CWF19L1: variants seen among roughly 807,000 people sequenced by gnomAD.
CWF19L1 encodes the protein CWF19 like cell cycle control factor 1.
In CWF19L1, 60 loss-of-function variants were observed where a neutral mutation model predicts 69.7. The ratio of observed to expected loss-of-function variants is 0.86; its 90% CI spans 0.70 to 1.07. CWF19L1 has a LOEUF of 1.07. Ranked by LOEUF, CWF19L1 falls within the 50% of genes least tolerant of loss-of-function variation. The probability of loss-of-function intolerance (pLI) is 0.00; values close to 1 mark genes in which losing one functional copy is unlikely to be tolerated. For synonymous variants in CWF19L1, 209 were observed against 222.2 expected, an observed-to-expected ratio of 0.94 and a Z score of 0.53; for missense variants, 591 against 638.9, an observed-to-expected ratio of 0.92 and a Z score of 0.81.
chr10:100,257,533 C>T (rs1019929129), intron 4 of CWF19L1, among the ~76,000 whole-genome samples: 4 of 151,862 alleles, frequency 2.6e-5, no homozygotes, highest in Non-Finnish European at 4.4e-5. Flanking sequence ...CTCTTGACCT[C>T]GTGAACTGCC....
rs539006860 is a variant in CWF19L1, at chr10:100,245,777, C to A, written c.964+22G>T. On this transcript the variant is annotated intron_variant, in intron 9 of 13. Transcript: ENST00000354105. Reference sequence around the variant, plus strand: ...TAACAGTTACTGTTCATAGAAGAAACCTCTGGAATAAAGGTACTTACGAGG... The same window carrying A: ...TAACAGTTACTGTTCATAGAAGAAAACTCTGGAATAAAGGTACTTACGAGG... The A allele has an allele frequency of 7.0e-6, 11 of 1,574,786 alleles. No individual in the cohort carries two copies. The East Asian group carries it at 1.6e-4, about 22-fold the overall frequency.
intron 6 of CWF19L1, among the ~76,000 whole-genome samples, chr10:100,251,280 C>G (rs1847019700): frequency 6.6e-6 from 1 of 152,128 alleles, no homozygotes; most frequent in Non-Finnish European, 1.5e-5. Flanking sequence ...TTTAACCTTT[C>G]AAGAACTGCT....
chr10:100,235,634 A>G (rs1180786208), intron 13 of CWF19L1, 33 bp downstream of exon 13: 1 of 1,437,192 alleles, frequency 7.0e-7, no homozygotes, highest in Non-Finnish European at 9.8e-7. Context: ...TAGCAGGTCT[A>G]GTGAAAATAC....
chr10:100,248,791 T>G (rs1846920437), intron 7 of CWF19L1: 2 of 1,423,252 alleles, frequency 1.4e-6, no homozygotes, highest in Non-Finnish European at 2.0e-6. Flanking sequence ...CGGGAAGGAG[T>G]TCACAGAAGC....
At chr10:100,262,928 C>CTTTT (rs71305555) in intron 1 of CWF19L1, among the ~76,000 whole-genome samples, 2 of 148,036 alleles carry the variant, frequency 1.4e-5, no homozygotes, top group African/African-American at 4.9e-5. Flanking sequence ...CCTCGCCAAA[C>CTTTT]TTTTTTTTTT....
chr10:100,236,231 T>G (rs1846432128), intron 12 of CWF19L1, among the ~76,000 whole-genome samples: 1 of 151,798 alleles, frequency 6.6e-6, no homozygotes. Flanking sequence ...CTCAGCCTCC[T>G]GAGTAGCTAA....
rs956879472 is a variant in CWF19L1 at position 100,260,527 on chromosome 10, A to T, written c.188-208T>A. ...GTAGCTTGGCTATTTTATTTATTTT[A>T]TTTTTTTTTTTTTGAGACAGAGCCT... On this transcript the variant is annotated intron_variant, in intron 3 of 13. Transcript: ENST00000354105. 1.6e-3 allele frequency among the ~76,000 whole-genome samples: 232 copies of T among 147,632 alleles called. 1 individual carries two copies. The highest frequency in any genetic ancestry group is 6.4e-3 in the South Asian group (30 of 4,664).
Position 100,246,921 on chromosome 10 carries a change from G to C in CWF19L1, c.723C>G (p.Phe241Leu), listed in dbSNP as rs761001977. The change falls in exon 8 of 14, where the codon TTC becomes TTG. Residue 241 changes from phenylalanine to leucine, a missense_variant. By Grantham distance (22) the Phe-to-Leu change is conservative. Transcript: ENST00000354105. ...NPEKKKYLYAFSIVPMKLMDA... is the reference protein window; with the variant it reads ...NPEKKKYLYALSIVPMKLMDA... ...CCATTAGCTTCATGGGAACAATACTGAACGCGTAAAGATACTTTAGAGAAA... is the reference window on the plus strand; with the variant it reads ...CCATTAGCTTCATGGGAACAATACTCAACGCGTAAAGATACTTTAGAGAAA... 1 of 1,609,814 alleles carries C rather than the reference G, an allele frequency of 6.2e-7. No individual in the cohort carries two copies. Among genetic ancestry groups the C allele is most frequent in the Non-Finnish European group, 8.5e-7 (1 of 1,177,228 alleles).
At chr10:100,256,901 G>A (rs1467529002) in intron 4 of CWF19L1, among the ~76,000 whole-genome samples, 3 of 152,190 alleles carry the variant, frequency 2.0e-5, no homozygotes, top group African/African-American at 7.2e-5. Context: ...GATGCACATA[G>A]TGAAACCCCA....
intron 4 of CWF19L1, chr10:100,258,757 C>T (rs1847294162): frequency 1.3e-5 from 2 of 151,840 alleles, no homozygotes; most frequent in Admixed American, 6.6e-5. Context: ...AGACTGGTAA[C>T]GGGAGGGCCA....
chr10:100,250,334 T>C lies in CWF19L1; in HGVS notation c.624-2A>G. On this transcript the variant is annotated splice_acceptor_variant, in intron 6 of 13. Transcript: ENST00000354105. LOFTEE classifies it high-confidence loss of function. ...TTTTCCTGTAGAATGATATGGTTTC[T>C]ACAACATATTTGAGAGACAAAAAAT... is the stretch of plus-strand genomic sequence containing the variant. 2 of 1,597,934 alleles carry C rather than the reference T, an allele frequency of 1.3e-6. No individual in the cohort carries two copies. The highest frequency in any genetic ancestry group is 8.6e-7 in the Non-Finnish European group (1 of 1,165,890).
At chr10:100,250,385 CA>C (rs1213692167) in intron 6 of CWF19L1, 53 bp from the exon 7 acceptor site, 1 of 1,178,854 alleles carries the variant, frequency 8.5e-7, no homozygotes, top group African/African-American at 1.5e-5. Flanking sequence ...TTTTGATTTG[CA>C]ATGACAAAAT....
rs1018351957 is a variant in CWF19L1, at chr10:100,233,051, G to A, written c.*176C>T. On this transcript the variant is annotated 3_prime_UTR_variant, in exon 14 of 14. Coordinates refer to ENST00000354105, the MANE Select transcript of CWF19L1 (RefSeq NM_018294.6). Reference sequence around the variant, plus strand: ...TGGTCCCAGCTACTCATGAGGCTGAGGTGGGAGGAACTCTAGAGCCCAGGA... The same window carrying A: ...TGGTCCCAGCTACTCATGAGGCTGAAGTGGGAGGAACTCTAGAGCCCAGGA... 3.9e-6 allele frequency: 2 copies of A among 512,992 alleles called. No homozygotes were observed. The highest frequency in any genetic ancestry group is 6.4e-6 in the Non-Finnish European group (2 of 311,630). The allele number at this position is 512,992 out of a possible 1,614,324, so 31.8% of individuals were successfully genotyped here.
intron 10 of CWF19L1, among the ~76,000 whole-genome samples, chr10:100,239,299 A>C (rs191042603): frequency 5.7e-4 from 87 of 152,342 alleles, no homozygotes; most frequent in African/African-American, 2.0e-3. Context: ...GAGTGAGCAC[A>C]GAAGGGCCCA....
In CWF19L1 at chr10:100,246,823, G is replaced by GA. The variant is rs772446354; in HGVS notation, c.820dup (p.Ser274PhefsTer20). ...AGGGGCAAGAATTTGCTTTCCTATG[G>GA]ATGCTTCCTGCCCAGATTTTCTGTA... On this transcript the variant is annotated frameshift_variant, in exon 8 of 14. Transcript: ENST00000354105. LOFTEE classifies it high-confidence loss of function. The GA allele has an allele frequency of 1.1e-5, 17 of 1,613,804 alleles. No individual in the cohort carries two copies. The East Asian group carries it at 3.3e-4, about 32-fold the overall frequency.
intron 6 of CWF19L1, 73 bp downstream of exon 6, chr10:100,253,348 G>T: frequency 2.2e-6 from 2 of 893,054 alleles, no homozygotes; most frequent in Non-Finnish European, 3.6e-6. Context: ...GGTTAAAAAC[G>T]AACAAGAGAA....
intron 4 of CWF19L1, among the ~76,000 whole-genome samples, chr10:100,259,116 A>G (rs1847309755): frequency 6.6e-6 from 1 of 151,086 alleles, no homozygotes; most frequent in African/African-American, 2.4e-5. Context: ...CAGGAGAATC[A>G]CTTGAACCAG....
chr10:100,267,491 G>A (rs1348550144), intron 1 of CWF19L1, 80 bp downstream of exon 1: 2 of 1,612,600 alleles, frequency 1.2e-6, no homozygotes, highest in African/African-American at 2.7e-5. Context: ...TTCCCGTCAT[G>A]GGAAAGACTC....
chr10:100,236,016 G>C (rs544847066), intron 12 of CWF19L1, among the ~76,000 whole-genome samples: 1 of 151,746 alleles, frequency 6.6e-6, no homozygotes, highest in African/African-American at 2.4e-5. Flanking sequence ...CTCTTCCCAG[G>C]AAAGCACTAA....
Sources: allele counts gnomAD v4.1 joint callset (sites outside exome capture counted in the v4.1 genomes callset), GRCh38; gene constraint gnomAD v4.1.1; transcripts MANE v1.5; gene names NCBI Gene and HGNC (gene_info 2026-07-23, HGNC 2026-07-21).